CCDC33: variants seen among roughly 807,000 people sequenced by gnomAD.
CCDC33 encodes coiled-coil domain containing 33.
Under a neutral mutation model 91.9 loss-of-function variants are expected in CCDC33, and 94 were observed. The observed-to-expected ratio is 1.02, with a 90% CI of 0.87 to 1.21. The LOEUF is 1.21. CCDC33 is among the 50% of genes most tolerant of loss of function. The probability of loss-of-function intolerance (pLI) is 0.00; values close to 1 mark genes in which losing one functional copy is unlikely to be tolerated. For synonymous variants in CCDC33, 396 were observed against 374.5 expected, an observed-to-expected ratio of 1.06 and a Z score of -0.66; for missense variants, 940 against 935.5, an observed-to-expected ratio of 1.00 and a Z score of -0.06.
chr15:74,284,574 C>T (rs351210), intron 10 of CCDC33, among the ~76,000 whole-genome samples: 105,597 of 151,966 alleles, frequency 0.69, 38,413 homozygotes, highest in Non-Finnish European at 0.83. Context: ...GAATATTACA[C>T]TGAAGAAGAA....
At chr15:74,260,006 C>T (rs557778308) in intron 2 of CCDC33, among the ~76,000 whole-genome samples, 9 of 152,304 alleles carry the variant, frequency 5.9e-5, no homozygotes, top group South Asian at 4.1e-4. Context: ...TGTGCAGGTC[C>T]CTGAGGAGGG....
intron 7 of CCDC33, among the ~76,000 whole-genome samples, chr15:74,274,361 C>T (rs1055959797): frequency 2.6e-5 from 4 of 152,192 alleles, no homozygotes; most frequent in African/African-American, 9.7e-5. Context: ...TTGCCCTACA[C>T]GATGGTCCCA....
chr15:74,209,418 GA>G (rs2074333678), exon 2 of CCDC33: 2 of 1,535,614 alleles, frequency 1.3e-6, no homozygotes, highest in East Asian at 4.9e-5. Flanking sequence ...TGCCAGAGGG[GA>G]ACCACCAGCT....
chr15:74,296,997 C>A (rs2059701030), intron 11 of CCDC33, among the ~76,000 whole-genome samples: 2 of 152,230 alleles, frequency 1.3e-5, no homozygotes, highest in Admixed American at 1.3e-4. Flanking sequence ...TCCAAGCCAT[C>A]CTCCTCCCAG....
chr15:74,257,327 G>T (rs921787095), intron 2 of CCDC33, among the ~76,000 whole-genome samples: 2 of 152,254 alleles, frequency 1.3e-5, no homozygotes, highest in Admixed American at 6.5e-5. Flanking sequence ...GGGGGAGGCG[G>T]CAGCACAGAC....
chr15:74,274,077 A>G (rs2076390575), intron 7 of CCDC33, among the ~76,000 whole-genome samples: 1 of 151,594 alleles, frequency 6.6e-6, no homozygotes, highest in African/African-American at 2.4e-5. Flanking sequence ...TGACCTGTCC[A>G]CCTCGGCCTC....
intron 11 of CCDC33, among the ~76,000 whole-genome samples, chr15:74,327,675 A>T (rs569712760): frequency 6.6e-6 from 1 of 152,200 alleles, no homozygotes; most frequent in South Asian, 2.1e-4. Flanking sequence ...TCATGCCCCA[A>T]AACAGCTGAG....
intron 11 of CCDC33, among the ~76,000 whole-genome samples, chr15:74,305,079 T>C (rs994226342): frequency 1.3e-5 from 2 of 152,082 alleles, no homozygotes; most frequent in Non-Finnish European, 2.9e-5. Flanking sequence ...CCCAAGTAGC[T>C]GGGATTACAG....
chr15:74,325,789 G>A (rs1033933873), intron 11 of CCDC33, among the ~76,000 whole-genome samples: 2 of 151,952 alleles, frequency 1.3e-5, no homozygotes, highest in African/African-American at 4.8e-5. Context: ...TTTTTTTGCG[G>A]GGGGTGGGTA....
intron 11 of CCDC33, among the ~76,000 whole-genome samples, chr15:74,306,908 C>A (rs990204464): frequency 1.3e-5 from 2 of 152,254 alleles, no homozygotes; most frequent in African/African-American, 4.8e-5. Flanking sequence ...GAGGAGTCAG[C>A]CTGACTGACC....
At chr15:74,203,490 G>A (rs1429314936) in intron 1 of CCDC33, among the ~76,000 whole-genome samples, 1 of 152,238 alleles carries the variant, frequency 6.6e-6, no homozygotes, top group African/African-American at 2.4e-5. Flanking sequence ...ACTGTCCCTG[G>A]TGGAGGTTTA....
At position 74,266,751 on chromosome 15, in the gene CCDC33, G is replaced by T. The variant is rs751284057; in HGVS notation, c.393G>T (p.Leu131=). The T allele has an allele frequency of 5.0e-6, 8 of 1,614,022 alleles. No homozygotes were observed. The highest frequency in any genetic ancestry group is 1.6e-4 in the Middle Eastern group (1 of 6,072). ...LLSYKIPIKY[L]RVFHPYHFEL... The stretch of plus-strand genomic sequence containing the variant: ...CCTACAAAATCCCCATCAAGTACCT[G>T]CGTGTCTTCCACCCCTACCACTTTG... Residue 131 remains leucine (L), a synonymous_variant, in exon 4 of 19, where the codon CTG becomes CTT. Coordinates refer to ENST00000398814, the MANE Select transcript of CCDC33 (RefSeq NM_025055.5).
chr15:74,208,730 C>T, intron 1 of CCDC33: 1 of 988,146 alleles, frequency 1.0e-6, no homozygotes. Context: ...CCGCACACCC[C>T]ATGTGCCTTC....
At chr15:74,288,619 T>C (rs1345485734) in intron 10 of CCDC33, among the ~76,000 whole-genome samples, 3 of 152,220 alleles carry the variant, frequency 2.0e-5, no homozygotes, top group Non-Finnish European at 4.4e-5. Flanking sequence ...TGTTCTATAC[T>C]GAACTTAGAC....
upstream of CCDC33, chr15:74,212,469 A>T (rs541893957): frequency 3.9e-5 from 6 of 152,338 alleles, no homozygotes; most frequent in Admixed American, 3.9e-4. Context: ...ATGACCCAAG[A>T]CTTTCCTGAC....
exon 1 of CCDC33, chr15:74,217,497 G>C (rs898558951): frequency 7.8e-7 from 1 of 1,289,556 alleles, no homozygotes; most frequent in South Asian, 1.2e-5. Context: ...TGCCTGCTCT[G>C]CTATCACTGA....
intron 7 of CCDC33, among the ~76,000 whole-genome samples, chr15:74,274,024 G>T (rs2076389591): frequency 6.6e-6 from 1 of 152,018 alleles, no homozygotes; most frequent in Non-Finnish European, 1.5e-5. Flanking sequence ...TAGAGATGGA[G>T]TTTCACCATG....
chr15:74,266,836 T>TGC, intron 4 of CCDC33, 49 bp downstream of exon 4: 2 of 1,360,688 alleles, frequency 1.5e-6, no homozygotes, highest in Non-Finnish European at 2.1e-6. Flanking sequence ...GGGAACCACC[T>TGC]TGAATGTCCC....
intron 1 of CCDC33, among the ~76,000 whole-genome samples, chr15:74,204,669 A>G (rs1402194773): frequency 6.6e-6 from 1 of 152,222 alleles, no homozygotes; most frequent in Non-Finnish European, 1.5e-5. Context: ...GTGGTGGCTT[A>G]CACTTGTAAT....
Sources: allele counts gnomAD v4.1 joint callset (sites outside exome capture counted in the v4.1 genomes callset), GRCh38; gene constraint gnomAD v4.1.1; transcripts MANE v1.5; gene names NCBI Gene and HGNC (gene_info 2026-07-23, HGNC 2026-07-21).